Variants in PTPN13 observed in about 807,000 individuals in gnomAD.
PTPN13 encodes protein tyrosine phosphatase non-receptor type 13.
PTPN13 carries 191 observed loss-of-function variants against 284.0 expected under a neutral mutation model. The observed-to-expected ratio is 0.67, with a 90% CI of 0.60 to 0.76. The LOEUF is 0.76. Ranked by LOEUF, PTPN13 falls within the 30% of genes least tolerant of loss-of-function variation. PTPN13 has a pLI of 0.00. For synonymous variants in PTPN13, 986 were observed against 1,022.3 expected, an observed-to-expected ratio of 0.96 and a Z score of 0.68; for missense variants, 2,797 against 2,939.9, an observed-to-expected ratio of 0.95 and a Z score of 1.12.
At chr4:86,758,601 CTG>C in intron 21 of PTPN13, 75 bp from the exon 22 acceptor site, 1 of 1,245,796 alleles carries the variant, frequency 8.0e-7, no homozygotes, top group Non-Finnish European at 1.2e-6. Context: ...CCCCACATTT[CTG>C]TGTTTCAGGC....
intron 7 of PTPN13, among the ~76,000 whole-genome samples, chr4:86,706,131 A>G (rs1395063165): frequency 6.6e-6 from 1 of 152,196 alleles, no homozygotes; most frequent in Non-Finnish European, 1.5e-5. Flanking sequence ...AGGAATCTGG[A>G]TACCATTTAA....
intron 8 of PTPN13, 106 bp from the exon 9 acceptor site, chr4:86,716,918 G>A: frequency 2.7e-6 from 2 of 743,830 alleles, no homozygotes; most frequent in Non-Finnish European, 4.4e-6. Context: ...TTGTTCTGTG[G>A]ATTAGATTTG....
intron 41 of PTPN13, 53 bp downstream of exon 41, chr4:86,796,982 C>T: frequency 1.9e-6 from 2 of 1,064,426 alleles, no homozygotes; most frequent in Admixed American, 2.4e-5. Context: ...TCTATAAATG[C>T]TCTGAAGATT....
At chr4:86,746,344 A>G (rs1387357172) in intron 17 of PTPN13, among the ~76,000 whole-genome samples, 1 of 152,254 alleles carries the variant, frequency 6.6e-6, no homozygotes, top group Non-Finnish European at 1.5e-5. Flanking sequence ...ATGTGATTTA[A>G]AAATTTAATG....
Position 86,716,545 on chromosome 4 carries a change from A to G in PTPN13, c.1211A>G (p.Tyr404Cys), listed in dbSNP as rs763547536. 2 of 1,588,406 alleles carry G rather than the reference A, an allele frequency of 1.3e-6. No individual in the cohort carries two copies. The highest frequency in any genetic ancestry group is 2.2e-5 in the East Asian group (1 of 44,448). The change falls in exon 8 of 48, where the codon TAC becomes TGC. Residue 404 changes from tyrosine (Y) to cysteine (C), a missense_variant. Tyr to Cys is a radical substitution (Grantham distance 194). Transcript: ENST00000411767. ...ATCCTTTTAGAACCAGTTCGAAGATACAAAACTTATCATGGTGATGTCTTT... is the reference window on the plus strand; with the variant it reads ...ATCCTTTTAGAACCAGTTCGAAGATGCAAAACTTATCATGGTGATGTCTTT... Reference protein sequence around the residue: ...AMNVEEPVRRYKTYHGDVFST... With the variant: ...AMNVEEPVRRCKTYHGDVFST...
intron 2 of PTPN13, among the ~76,000 whole-genome samples, chr4:86,648,065 A>G (rs1384344435): frequency 6.6e-6 from 1 of 152,160 alleles, no homozygotes; most frequent in African/African-American, 2.4e-5. Context: ...GAGATCTTCA[A>G]CAGATTAAAC....
At position 86,771,418 on chromosome 4, in the gene PTPN13, G is replaced by T; in HGVS notation, c.5051G>T (p.Ser1684Ile). The change falls in exon 31 of 48, where the codon AGC becomes ATC. Residue 1684 changes from serine to isoleucine, a missense_variant. Physicochemically the swap from Ser to Ile is moderately radical, Grantham distance 142. Coordinates refer to ENST00000411767, the MANE Select transcript of PTPN13 (RefSeq NM_080683.3). Reference sequence around the variant, plus strand: ...AGTTCAGCTTTGCATCAGACTCTAAGCAACATGGTATCACAGGCACAGAGT... The same window carrying T: ...AGTTCAGCTTTGCATCAGACTCTAATCAACATGGTATCACAGGCACAGAGT... ...TWSSALHQTL[S>I]NMVSQAQSHH... 6.4e-7 allele frequency: 1 copy of T among 1,566,430 alleles called. No homozygotes were observed. Among genetic ancestry groups the T allele is most frequent in the Non-Finnish European group, 8.7e-7 (1 of 1,154,316 alleles).
intron 2 of PTPN13, among the ~76,000 whole-genome samples, chr4:86,640,660 G>A (rs565473688): frequency 3.3e-5 from 5 of 152,252 alleles, no homozygotes; most frequent in African/African-American, 1.2e-4. Flanking sequence ...TTACTGCCCA[G>A]GCCATGACTC....
chr4:86,774,160 C>T (rs913433105), intron 32 of PTPN13, among the ~76,000 whole-genome samples: 4 of 152,130 alleles, frequency 2.6e-5, no homozygotes, highest in African/African-American at 4.8e-5. Flanking sequence ...TGTGCTTAAA[C>T]ATAACTTTTA....
At chr4:86,727,805 T>A (rs1341740713) in intron 10 of PTPN13, among the ~76,000 whole-genome samples, 1 of 149,460 alleles carries the variant, frequency 6.7e-6, no homozygotes, top group African/African-American at 2.4e-5. Flanking sequence ...TTTTTCTGTC[T>A]CTATCTCCTT....
intron 1 of PTPN13, among the ~76,000 whole-genome samples, chr4:86,609,288 T>C (rs78515473): frequency 0.046 from 7,063 of 152,342 alleles, 222 homozygotes; most frequent in African/African-American, 0.06. Flanking sequence ...GGATGAGTTA[T>C]GCAGACTTTA....
chr4:86,794,291 T>C (rs1743051957), intron 40 of PTPN13, among the ~76,000 whole-genome samples: 1 of 152,074 alleles, frequency 6.6e-6, no homozygotes, highest in Non-Finnish European at 1.5e-5. Flanking sequence ...TGAACTCCCA[T>C]TCACAATTAC....
chr4:86,768,201 C>T (rs1739555139), intron 28 of PTPN13, among the ~76,000 whole-genome samples: 1 of 152,070 alleles, frequency 6.6e-6, no homozygotes, highest in Non-Finnish European at 1.5e-5. Flanking sequence ...TGATTATGGT[C>T]TTTTAAAAAT....
chr4:86,707,769 TAA>T (rs1236197440), intron 7 of PTPN13, among the ~76,000 whole-genome samples: 1 of 152,160 alleles, frequency 6.6e-6, no homozygotes, highest in African/African-American at 2.4e-5. Context: ...ATTTTAATAT[TAA>T]ATTTCTATTT....
At chr4:86,775,733 TATATTACTGAATTAGTAATTCATA>T in intron 35 of PTPN13, 81 bp downstream of exon 35, 1 of 1,106,794 alleles carries the variant, frequency 9.0e-7, no homozygotes, top group Non-Finnish European at 1.3e-6. Context: ...TCTCTGAAAA[TATATTACTGAATTAGTAATTCATA>T]GACTAAATTG....
chr4:86,599,307 A>G (rs992557803), intron 1 of PTPN13, among the ~76,000 whole-genome samples: 1 of 152,170 alleles, frequency 6.6e-6, no homozygotes, highest in African/African-American at 2.4e-5. Flanking sequence ...AATCTTAAGA[A>G]TTTAAAACAC....
chr4:86,615,975 A>G (rs983436110), intron 1 of PTPN13, among the ~76,000 whole-genome samples: 1 of 152,224 alleles, frequency 6.6e-6, no homozygotes, highest in African/African-American at 2.4e-5. Flanking sequence ...GCTACTTTCA[A>G]TTTGAATTCC....
chr4:86,800,859 G>A (rs975170480), intron 42 of PTPN13, among the ~76,000 whole-genome samples: 3 of 152,170 alleles, frequency 2.0e-5, no homozygotes, highest in Admixed American at 6.5e-5. Context: ...AGTTCCTGTT[G>A]CACTGACATG....
intron 3 of PTPN13, 101 bp from the exon 4 acceptor site, chr4:86,686,604 TGTGTA>T: frequency 2.7e-6 from 2 of 731,440 alleles, no homozygotes; most frequent in Non-Finnish European, 4.5e-6. Flanking sequence ...TTTCTCAAAT[TGTGTA>T]TTATATTTTC....
Sources: allele counts gnomAD v4.1 joint callset (sites outside exome capture counted in the v4.1 genomes callset), GRCh38; gene constraint gnomAD v4.1.1; transcripts MANE v1.5; gene names NCBI Gene and HGNC (gene_info 2026-07-23, HGNC 2026-07-21).